Variants in TENM1 observed in about 807,000 individuals in gnomAD.
The protein encoded by TENM1 is teneurin-1.
TENM1 carries 35 observed loss-of-function variants against 174.8 expected under a neutral mutation model. That is an observed-to-expected ratio of 0.20 (90% CI 0.15 to 0.27). The LOEUF (loss-of-function observed/expected upper bound fraction) is 0.27, where lower values mean the gene tolerates loss of function less well. TENM1 is among the 10% of genes least tolerant of loss of function. The pLI is 1.00. For synonymous variants in TENM1, 781 were observed against 798.7 expected (o/e 0.98, Z 0.37); for missense variants, 1,633 against 2,130.1 (o/e 0.77, Z 4.59).
chrX:124,382,800 C>T lies in TENM1; in HGVS notation c.7310G>A (p.Trp2437Ter). 1 of 1,197,814 alleles carries T rather than the reference C, an allele frequency of 8.3e-7. No homozygotes were observed. Among genetic ancestry groups the T allele is most frequent in the Non-Finnish European group, 1.1e-6 (1 of 889,772 alleles). ...TAATTGGAAACCAAATAGCTCCAAC[C>T]AACTTCTGATGTCTGTGAGACACAA... is the stretch of plus-strand genomic sequence containing the variant. The change falls in exon 31 of 32, where the codon TGG becomes TAG. Residue 2437 changes from tryptophan (W) to a stop codon, truncating the protein, a stop_gained. Transcript: ENST00000422452. LOFTEE classifies it high-confidence loss of function.
chrX:124,727,771 AGAAAG>A (rs1235772270), intron 4 of TENM1, among the ~76,000 whole-genome samples: 1 of 111,658 alleles, frequency 9.0e-6, no homozygotes, highest in Non-Finnish European at 1.9e-5. Context: ...AAGAGAAAGA[AGAAAG>A]GAAACTAAAA....
the TENM1 span, among the ~76,000 whole-genome samples, chrX:125,001,929 A>T: frequency 6.6e-5 from 3 of 45,296 alleles, no homozygotes; most frequent in African/African-American, 3.6e-4. Context: ...GAGAGATCAC[A>T]CACACACACA....
intron 3 of TENM1, among the ~76,000 whole-genome samples, chrX:124,872,766 A>G (rs2057133130): frequency 8.9e-6 from 1 of 111,954 alleles, no homozygotes. Flanking sequence ...CTGCTTGTCC[A>G]CTAGATAACA....
At chrX:125,047,357 A>G in the TENM1 span, among the ~76,000 whole-genome samples, 2,669 of 111,520 alleles carry the variant, frequency 0.024, 85 homozygotes, top group African/African-American at 0.081. Context: ...CATATTAGTT[A>G]GAATTTACTA....
At chrX:125,109,198 C>A in the TENM1 span, among the ~76,000 whole-genome samples, 3 of 111,402 alleles carry the variant, frequency 2.7e-5, no homozygotes, top group Non-Finnish European at 5.6e-5. Context: ...CACACACAGA[C>A]GTATGCATGC....
intron 3 of TENM1, among the ~76,000 whole-genome samples, chrX:124,766,495 T>C (rs1363103278): frequency 1.8e-5 from 2 of 111,667 alleles, no homozygotes; most frequent in Non-Finnish European, 3.8e-5. Flanking sequence ...GAAAAATAAA[T>C]TAAAAGTCAC....
At chrX:124,400,975 A>T (rs2060393052) in intron 27 of TENM1, among the ~76,000 whole-genome samples, 1 of 111,766 alleles carries the variant, frequency 8.9e-6, no homozygotes, top group Non-Finnish European at 1.9e-5. Context: ...TAAATAAATG[A>T]AATTTCAGGA....
At chrX:124,644,875 A>G (rs945960479) in intron 10 of TENM1, among the ~76,000 whole-genome samples, 16 of 111,424 alleles carry the variant, frequency 1.4e-4, no homozygotes, top group African/African-American at 5.2e-4. Flanking sequence ...TTCTCAACCT[A>G]GAAAATAGTG....
intron 1 of TENM1, among the ~76,000 whole-genome samples, chrX:124,909,371 T>C (rs997935688): frequency 3.6e-5 from 4 of 111,919 alleles, no homozygotes; most frequent in Non-Finnish European, 7.5e-5. Context: ...TAGAACTTCC[T>C]GCTTCTTGTC....
At chrX:124,651,307 G>T (rs2051303633) in intron 8 of TENM1, among the ~76,000 whole-genome samples, 2 of 111,293 alleles carry the variant, frequency 1.8e-5, no homozygotes, top group South Asian at 7.6e-4. Context: ...GTATAGGCAG[G>T]CATCGCATTA....
the TENM1 span, among the ~76,000 whole-genome samples, chrX:125,162,582 C>G: frequency 6.3e-5 from 7 of 111,888 alleles, no homozygotes; most frequent in South Asian, 2.6e-3. Context: ...TGTCCTGATT[C>G]TCATTCTTCT....
At chrX:124,759,411 C>T (rs2054351545) in intron 3 of TENM1, among the ~76,000 whole-genome samples, 1 of 111,276 alleles carries the variant, frequency 9.0e-6, no homozygotes, top group African/African-American at 3.3e-5. Flanking sequence ...GATTTTGGTG[C>T]ACCCATCACT....
At chrX:124,527,869 G>C (rs2048016906) in intron 16 of TENM1, among the ~76,000 whole-genome samples, 1 of 102,475 alleles carries the variant, frequency 9.8e-6, no homozygotes, top group Non-Finnish European at 2.0e-5. Flanking sequence ...TGTTAGCCAG[G>C]ACAGTCTCGA....
chrX:125,016,906 G>A, the TENM1 span, among the ~76,000 whole-genome samples: 2 of 110,983 alleles, frequency 1.8e-5, no homozygotes, highest in South Asian at 3.8e-4. Flanking sequence ...CAGAAATAAC[G>A]CCACACATCT....
At chrX:124,503,802 A>G in intron 18 of TENM1, 99 bp from the exon 22 acceptor site, 1 of 860,883 alleles carries the variant, frequency 1.2e-6, no homozygotes, top group East Asian at 3.2e-5. Context: ...TGGCTACTGA[A>G]TTCTGATTAG....
chrX:124,539,940 G>A (rs927400009), intron 15 of TENM1, among the ~76,000 whole-genome samples: 1 of 111,392 alleles, frequency 9.0e-6, no homozygotes, highest in East Asian at 2.8e-4. Context: ...CACTTCTATA[G>A]TTGTTTAATG....
intron 5 of TENM1, among the ~76,000 whole-genome samples, chrX:124,678,782 A>T (rs2148449259): frequency 9.0e-6 from 1 of 111,368 alleles, no homozygotes; most frequent in South Asian, 3.8e-4. Context: ...AATAAGGAAA[A>T]TTTGGGTGTT....
intron 11 of TENM1, among the ~76,000 whole-genome samples, chrX:124,635,422 A>G (rs1018298483): frequency 1.2e-4 from 14 of 112,480 alleles, no homozygotes; most frequent in Admixed American, 3.8e-4. Flanking sequence ...AATACCTTAT[A>G]TGATTTCTGC....
At chrX:124,759,387 G>A (rs1276470490) in intron 3 of TENM1, among the ~76,000 whole-genome samples, 1 of 111,259 alleles carries the variant, frequency 9.0e-6, no homozygotes, top group African/African-American at 3.3e-5. Flanking sequence ...AAGTTCTTTA[G>A]TGTTGATTTG....
Sources: allele counts gnomAD v4.1 joint callset (sites outside exome capture counted in the v4.1 genomes callset), GRCh38; gene constraint gnomAD v4.1.1; transcripts MANE v1.5; gene names NCBI Gene and HGNC (gene_info 2026-07-23, HGNC 2026-07-21).